Variants in NEK1 observed in about 807,000 individuals in gnomAD.
NEK1 encodes serine/threonine-protein kinase Nek1.
A neutral mutation model predicts 182.1 loss-of-function variants in NEK1; 137 were observed. That is an observed-to-expected ratio of 0.75 (90% CI 0.65 to 0.87). The LOEUF (loss-of-function observed/expected upper bound fraction) is 0.87. Ranked by LOEUF, NEK1 falls within the 40% of genes least tolerant of loss-of-function variation. NEK1 has a pLI of 0.00. For synonymous variants in NEK1, 513 were observed against 492.2 expected (o/e 1.04, Z -0.56); for missense variants, 1,391 against 1,494.4 (o/e 0.93, Z 1.14).
chr4:169,449,181 G>C (rs1031251522), intron 27 of NEK1, among the ~76,000 whole-genome samples: 2 of 152,252 alleles, frequency 1.3e-5, no homozygotes, highest in Non-Finnish European at 2.9e-5. Flanking sequence ...GCCCACCGCA[G>C]CTCAACAAGG....
At chr4:169,412,156 CTAAA>C (rs1733785961) in intron 31 of NEK1, among the ~76,000 whole-genome samples, 1 of 152,134 alleles carries the variant, frequency 6.6e-6, no homozygotes, top group Non-Finnish European at 1.5e-5. Context: ...TATTTGTTGA[CTAAA>C]TGAATCTGCC....
Position 169,435,189 on chromosome 4 carries a change from C to T in NEK1, c.2765-1524G>A, listed in dbSNP as rs148927401. On this transcript the variant is annotated intron_variant, in intron 28 of 35. Coordinates refer to ENST00000507142, the MANE Select transcript of NEK1 (RefSeq NM_001199397.3). ...TGCCAGCACGGTTGGTTCTAGAGGG[C>T]CCTCTTCCTGTTTTGCAGATAACCT... 1.1e-3 allele frequency among the ~76,000 whole-genome samples: 163 copies of T among 152,222 alleles called. 1 individual carries two copies. Among genetic ancestry groups the T allele is most frequent in the African/African-American group, 3.3e-3 (139 of 41,524 alleles).
chr4:169,533,220 T>C (rs1350500425), intron 19 of NEK1, among the ~76,000 whole-genome samples: 1 of 152,220 alleles, frequency 6.6e-6, no homozygotes, highest in East Asian at 1.9e-4. Context: ...CCTAATCACC[T>C]GAGCCTTTTA....
chr4:169,601,806 A>G (rs2150138140), intron 4 of NEK1, among the ~76,000 whole-genome samples: 2 of 152,000 alleles, frequency 1.3e-5, no homozygotes. Context: ...CCTGCACTCC[A>G]GCCTGGGCCA....
chr4:169,395,546 A>G (rs1730539736), intron 35 of NEK1, among the ~76,000 whole-genome samples: 1 of 152,200 alleles, frequency 6.6e-6, no homozygotes, highest in Non-Finnish European at 1.5e-5. Context: ...GTCACCATCA[A>G]TGTAGTTGGA....
chr4:169,593,832 C>CA (rs1043496307), intron 5 of NEK1, among the ~76,000 whole-genome samples: 34 of 151,872 alleles, frequency 2.2e-4, no homozygotes, highest in Non-Finnish European at 2.4e-4. Context: ...ACTAAAAATA[C>CA]AAAAAAATTA....
intron 27 of NEK1, among the ~76,000 whole-genome samples, chr4:169,453,787 G>A (rs895018852): frequency 4.6e-5 from 7 of 152,118 alleles, no homozygotes; most frequent in East Asian, 1.9e-4. Flanking sequence ...TAATAAATAC[G>A]TAGGTAAATC....
Position 169,576,887 on chromosome 4 carries a change from T to C in NEK1, c.1020+41A>G, listed in dbSNP as rs576730572. ...TGAGCTGCAATGAAATAAGGTTGAATTGAATTTGTTATTAACACATGGTAT... is the reference window on the plus strand; with the variant it reads ...TGAGCTGCAATGAAATAAGGTTGAACTGAATTTGTTATTAACACATGGTAT... On this transcript the variant is annotated intron_variant, in intron 12 of 35. Transcript: ENST00000507142. 2.2e-5 allele frequency: 33 copies of C among 1,530,626 alleles called. No individual in the cohort carries two copies. The Admixed American group carries it at 4.8e-4, about 22-fold the overall frequency. The allele number at this position is 1,530,626 out of a possible 1,614,324, so 94.8% of individuals were successfully genotyped here. A position where few individuals can be genotyped will look rare whatever the true frequency, so the allele number is the denominator to read the frequency against.
intron 5 of NEK1, among the ~76,000 whole-genome samples, chr4:169,595,506 C>T (rs918130212): frequency 2.0e-5 from 3 of 152,108 alleles, no homozygotes; most frequent in African/African-American, 7.2e-5. Flanking sequence ...CGATAAGAAT[C>T]TATATTCCTT....
chr4:169,569,625 GCGATT>G (rs1337166826), intron 12 of NEK1, among the ~76,000 whole-genome samples: 34 of 152,090 alleles, frequency 2.2e-4, no homozygotes, highest in Non-Finnish European at 4.1e-4. Flanking sequence ...CCGAGTGCCT[GCGATT>G]GCAGGCGCGC....
intron 12 of NEK1, among the ~76,000 whole-genome samples, chr4:169,569,459 T>TCTCC (rs1446148512): frequency 2.8e-5 from 2 of 72,424 alleles, no homozygotes; most frequent in Admixed American, 1.2e-4. Context: ...TCCCTCCCTC[T>TCTCC]CTCCCTCCCT....
At chr4:169,406,480 G>T (rs1170731493) in intron 32 of NEK1, 116 bp downstream of exon 32, 2 of 642,908 alleles carry the variant, frequency 3.1e-6, no homozygotes, top group African/African-American at 1.9e-5. Context: ...ATATACAGAA[G>T]ACATAAAAGC....
chr4:169,482,560 C>T (rs1424218699), intron 23 of NEK1, among the ~76,000 whole-genome samples: 1 of 151,762 alleles, frequency 6.6e-6, no homozygotes, highest in East Asian at 1.9e-4. Context: ...AATTCTCGTG[C>T]CTCAGTCTCC....
chr4:169,562,806 G>A (rs888314798), intron 12 of NEK1, among the ~76,000 whole-genome samples: 2 of 152,016 alleles, frequency 1.3e-5, no homozygotes, highest in Non-Finnish European at 2.9e-5. Flanking sequence ...TTGGTTACAT[G>A]GATGAAATGC....
intron 11 of NEK1, among the ~76,000 whole-genome samples, chr4:169,580,263 G>A (rs530266060): frequency 2.0e-5 from 3 of 152,000 alleles, no homozygotes; most frequent in Admixed American, 6.6e-5. Flanking sequence ...TTGGGAGGCC[G>A]AGGCGGGTGG....
intron 11 of NEK1, among the ~76,000 whole-genome samples, chr4:169,577,886 A>C (rs868140794): frequency 1.4e-4 from 22 of 152,114 alleles, no homozygotes; most frequent in African/African-American, 5.3e-4. Flanking sequence ...TTTTTCCTTC[A>C]TATAATGTCT....
intron 23 of NEK1, among the ~76,000 whole-genome samples, chr4:169,489,660 C>G (rs866934077): frequency 6.6e-6 from 1 of 152,134 alleles, no homozygotes; most frequent in Admixed American, 6.5e-5. Flanking sequence ...TACAAGGAAC[C>G]TCCTCTCCTG....
chr4:169,456,390 A>C (rs548181407), intron 27 of NEK1, among the ~76,000 whole-genome samples: 1 of 152,144 alleles, frequency 6.6e-6, no homozygotes, highest in South Asian at 2.1e-4. Context: ...ATAAAATAGA[A>C]ACAAAGAATA....
chr4:169,393,796 G>A lies in NEK1; in HGVS notation c.*714C>T, dbSNP rs574427701. 1.6e-4 allele frequency: 24 copies of A among 152,240 alleles called. No individual in the cohort carries two copies. The highest frequency in any genetic ancestry group is 5.1e-4 in the African/African-American group (21 of 41,560). The allele number at this position is 152,240 out of a possible 1,614,324, so 9.4% of individuals were successfully genotyped here. A position where few individuals can be genotyped will look rare whatever the true frequency, so the allele number is the denominator to read the frequency against. ...TGTTAAATCCACAGACTAATTTTTC[G>A]ATATAGTATTCCTGGTTCTGGTCCT... On this transcript the variant is annotated 3_prime_UTR_variant, in exon 36 of 36. Coordinates refer to ENST00000507142, the MANE Select transcript of NEK1 (RefSeq NM_001199397.3).
Sources: allele counts gnomAD v4.1 joint callset (sites outside exome capture counted in the v4.1 genomes callset), GRCh38; gene constraint gnomAD v4.1.1; transcripts MANE v1.5; gene names NCBI Gene and HGNC (gene_info 2026-07-23, HGNC 2026-07-21).